Variants in TTF2 observed in about 807,000 individuals in gnomAD.
TTF2 encodes the protein transcription termination factor 2, also known as RNA polymerase II termination factor.
TTF2 carries 108 observed loss-of-function variants against 142.4 expected under a neutral mutation model. The ratio of observed to expected loss-of-function variants is 0.76; its 90% CI spans 0.65 to 0.89. The LOEUF is 0.89. TTF2 is among the 40% of genes least tolerant of loss of function. The pLI is 0.00. For synonymous variants in TTF2, 483 were observed against 506.2 expected, an observed-to-expected ratio of 0.95 and a Z score of 0.61; for missense variants, 1,327 against 1,379.8, an observed-to-expected ratio of 0.96 and a Z score of 0.61.
chr1:117,091,429 A>T lies in TTF2; in HGVS notation c.2671+19A>T, dbSNP rs755710480. The stretch of plus-strand genomic sequence containing the variant: ...AGTAGAGGTAAGCTGTAGGACTCTC[A>T]TAAATACATATGACTGGTGAAAATG... On this transcript the variant is annotated intron_variant, in intron 16 of 22. Coordinates refer to ENST00000369466, the MANE Select transcript of TTF2 (RefSeq NM_003594.4). 8 of 1,593,586 alleles carry T rather than the reference A, an allele frequency of 5.0e-6. No homozygotes were observed. The Admixed American group carries it at 5.4e-5, about 11-fold the overall frequency.
At chr1:117,091,727 G>T in intron 16 of TTF2, 90 bp from the exon 17 acceptor site, 1 of 1,478,508 alleles carries the variant, frequency 6.8e-7, no homozygotes, top group South Asian at 1.3e-5. Context: ...GATCAAACAT[G>T]GTTAAAGTAG....
Position 117,075,442 on chromosome 1 carries a change from G to C in TTF2, c.858G>C (p.Thr286=), listed in dbSNP as rs143556889. The C allele has an allele frequency of 6.2e-7, 1 of 1,614,080 alleles. No individual in the cohort carries two copies. Among genetic ancestry groups the C allele is most frequent in the Non-Finnish European group, 8.5e-7 (1 of 1,180,000 alleles). The change falls in exon 5 of 23, where the codon ACG becomes ACC. Residue 286 remains threonine (T), a synonymous_variant. Transcript: ENST00000369466. This position sits in a 1 kb window ranked among gnomAD's most constrained non-coding sequence, Gnocchi z 4.5. ...GGGGACCCCTCAACAAGGAGTACAC[G>C]AACTGGGAGGCTAAAGAAACAAAGG... The part of the protein sequence containing the change: ...QKGGPLNKEY[T]NWEAKETKAK...
rs1016885393 is a variant in TTF2, at chr1:117,061,745, A to G, written c.132-642A>G. Among the ~76,000 whole-genome samples the G allele has an allele frequency of 3.3e-5, 5 of 152,242 alleles. No individual in the cohort carries two copies. In the South Asian group the frequency reaches 6.2e-4, roughly 19 times the overall value. The stretch of plus-strand genomic sequence containing the variant: ...ATCCCATCTACACAAATGCTTTGCT[A>G]TACAAACTAGCACAGTGGTATTTGA... On this transcript the variant is annotated intron_variant, in intron 2 of 22. Transcript: ENST00000369466.
chr1:117,060,622 T>C, intron 2 of TTF2, 65 bp downstream of exon 2: 2 of 1,490,264 alleles, frequency 1.3e-6, no homozygotes, highest in Non-Finnish European at 1.8e-6. Context: ...AGCTTCCCGC[T>C]CCCCGCTGTC....
chr1:117,096,333 A>T (rs1649146406), intron 20 of TTF2, 34 bp downstream of exon 20: 1 of 1,609,362 alleles, frequency 6.2e-7, no homozygotes, highest in African/African-American at 1.3e-5. Context: ...CGCATAATTA[A>T]CTGTTCTGAG....
chr1:117,076,959 A>AC lies in TTF2; in HGVS notation c.1573+137dup. On this transcript the variant is annotated intron_variant, in intron 7 of 22. Transcript: ENST00000369466. This position sits in a 1 kb window ranked among gnomAD's most constrained non-coding sequence, Gnocchi z 4.6. ...TGGTTCAAAAAAAGGTGAGTACAGT[A>AC]CAGTAAGATATTTTGAGAGAGAAAG... 1 of 581,940 alleles carries AC rather than the reference A, an allele frequency of 1.7e-6. No homozygotes were observed. The highest frequency in any genetic ancestry group is 2.7e-6 in the Non-Finnish European group (1 of 368,756). 36.0% of individuals were successfully genotyped at this position (581,940 alleles called of 1,614,324 possible). A position where few individuals can be genotyped will look rare whatever the true frequency, so the allele number is the denominator to read the frequency against.
Position 117,104,214 on chromosome 1 carries a change from T to TA in TTF2, c.*2691dup, listed in dbSNP as rs1167165882. 1 of 152,238 alleles carries TA rather than the reference T, an allele frequency of 6.6e-6. No homozygotes were observed. Among genetic ancestry groups the TA allele is most frequent in the Non-Finnish European group, 1.5e-5 (1 of 68,040 alleles). 9.4% of individuals were successfully genotyped at this position (152,238 alleles called of 1,614,324 possible). On this transcript the variant is annotated 3_prime_UTR_variant, in exon 23 of 23. Coordinates refer to ENST00000369466, the MANE Select transcript of TTF2 (RefSeq NM_003594.4). The stretch of plus-strand genomic sequence containing the variant: ...CCTGGCTCTGCCATTTGCTGATTGA[T>TA]ATTAGGCAAGTTGCAGATTCCTTGG...
In TTF2 at chr1:117,091,392, A is replaced by G. The variant is rs1258644151; in HGVS notation, c.2653A>G (p.Asn885Asp). Reference protein sequence around the residue: ...SRGNQSGRSPNNPFSRVALEF... With the variant: ...SRGNQSGRSPDNPFSRVALEF... The stretch of plus-strand genomic sequence containing the variant: ...AGGCAACCAATCTGGAAGAAGCCCT[A>G]ATAATCCATTCAGTAGAGGTAAGCT... Residue 885 changes from asparagine (N) to aspartate (D), a missense_variant, in exon 16 of 23, where the codon AAT becomes GAT. Asn to Asp is a conservative substitution (Grantham distance 23). Coordinates refer to ENST00000369466, the MANE Select transcript of TTF2 (RefSeq NM_003594.4). The G allele has an allele frequency of 1.2e-6, 2 of 1,613,606 alleles. No homozygotes were observed. The highest frequency in any genetic ancestry group is 4.5e-5 in the East Asian group (2 of 44,836).
At position 117,079,777 on chromosome 1, in the gene TTF2, A is replaced by G; in HGVS notation, c.1783+128A>G. On this transcript the variant is annotated intron_variant, in intron 9 of 22. Coordinates refer to ENST00000369466, the MANE Select transcript of TTF2 (RefSeq NM_003594.4). The surrounding 1 kb of genome is among the most constrained non-coding windows in gnomAD (Gnocchi z 4.2). ...GGTACTATTATTCCTCATTTTACAGATGATGAAAGTGAAGCATGGAAGTGT... is the reference window on the plus strand; with the variant it reads ...GGTACTATTATTCCTCATTTTACAGGTGATGAAAGTGAAGCATGGAAGTGT... 1 of 882,624 alleles carries G rather than the reference A, an allele frequency of 1.1e-6. No homozygotes were observed. The highest frequency in any genetic ancestry group is 1.8e-6 in the Non-Finnish European group (1 of 557,430). 54.7% of individuals were successfully genotyped at this position (882,624 alleles called of 1,614,324 possible). A position where few individuals can be genotyped will look rare whatever the true frequency, so the allele number is the denominator to read the frequency against.
chr1:117,095,633 C>T (rs1649058397), intron 19 of TTF2, among the ~76,000 whole-genome samples: 1 of 151,788 alleles, frequency 6.6e-6, no homozygotes, highest in South Asian at 2.1e-4. Context: ...GAGGAGGCTC[C>T]AGCAGTGCTG....
At chr1:117,089,978 A>G in intron 13 of TTF2, 77 bp from the exon 14 acceptor site, 1 of 1,481,996 alleles carries the variant, frequency 6.7e-7, no homozygotes, top group Non-Finnish European at 9.1e-7. Context: ...GTCATCTTAT[A>G]TCTTACTTTG....
rs1402583448 is a variant in TTF2 at position 117,085,536 on chromosome 1, A to G, written c.2055-881A>G. Among the ~76,000 whole-genome samples the G allele has an allele frequency of 6.6e-6, 1 of 152,170 alleles. No individual in the cohort carries two copies. The highest frequency in any genetic ancestry group is 1.5e-5 in the Non-Finnish European group (1 of 68,026). On this transcript the variant is annotated intron_variant, in intron 11 of 22. Transcript: ENST00000369466. This position sits in a 1 kb window ranked among gnomAD's most constrained non-coding sequence, Gnocchi z 4.7. ...CCCCTACACTCCAGTCTGGATGACC[A>G]GGGTAGGTTACTCACCTATTATTAT... is the stretch of plus-strand genomic sequence containing the variant.
chr1:117,066,827 C>T (rs942418424), intron 3 of TTF2, among the ~76,000 whole-genome samples: 1 of 151,674 alleles, frequency 6.6e-6, no homozygotes, highest in African/African-American at 2.4e-5. Context: ...CTCAGCCTCC[C>T]GAGTAGCTGG....
intron 8 of TTF2, among the ~76,000 whole-genome samples, chr1:117,078,245 T>G (rs1272157135): frequency 6.6e-6 from 1 of 152,234 alleles, no homozygotes; most frequent in East Asian, 1.9e-4. Flanking sequence ...ATAAAGTTAC[T>G]TATTTCTGTA....
Position 117,079,749 on chromosome 1 carries a change from G to T in TTF2, c.1783+100G>T. On this transcript the variant is annotated intron_variant, in intron 9 of 22. Coordinates refer to ENST00000369466, the MANE Select transcript of TTF2 (RefSeq NM_003594.4). The surrounding 1 kb of genome is among the most constrained non-coding windows in gnomAD (Gnocchi z 4.2). ...TTATTCCTCTCAAGAACTCTATGAG[G>T]CAGGTACTATTATTCCTCATTTTAC... 8.7e-7 allele frequency: 1 copy of T among 1,146,762 alleles called. No homozygotes were observed. Among genetic ancestry groups the T allele is most frequent in the Non-Finnish European group, 1.3e-6 (1 of 769,652 alleles). The allele number at this position is 1,146,762 out of a possible 1,614,324, so 71.0% of individuals were successfully genotyped here.
rs773847854 is a variant in TTF2, at chr1:117,101,492, T to G, written c.3457T>G (p.Leu1153Val). 1.9e-6 allele frequency: 3 copies of G among 1,601,258 alleles called. No individual in the cohort carries two copies. Among genetic ancestry groups the G allele is most frequent in the African/African-American group, 2.7e-5 (2 of 74,120 alleles). The stretch of plus-strand genomic sequence containing the variant: ...TGGAGAATCTGTCACCAAGCTCACC[T>G]TGGCTGACCTCAGAGTCCTTTTTGG... The part of the protein sequence containing the change: ...GSGESVTKLT[L>V]ADLRVLFGI Residue 1153 changes from leucine to valine, a missense_variant, in exon 23 of 23, where the codon TTG (leucine) becomes GTG (valine). Leu to Val is a conservative substitution (Grantham distance 32). Coordinates refer to ENST00000369466, the MANE Select transcript of TTF2 (RefSeq NM_003594.4). This position sits in a 1 kb window ranked among gnomAD's most constrained non-coding sequence, Gnocchi z 5.9.
rs577744281 is a variant in TTF2 at position 117,065,459 on chromosome 1, A to G, written c.218+2986A>G. Among the ~76,000 whole-genome samples the G allele has an allele frequency of 9.9e-5, 15 of 152,278 alleles. No homozygotes were observed. In the South Asian group the frequency reaches 1.2e-3, roughly 13 times the overall value. On this transcript the variant is annotated intron_variant, in intron 3 of 22. Transcript: ENST00000369466. The stretch of plus-strand genomic sequence containing the variant: ...TAAAAATACTAAAAATTAGCCGGGC[A>G]TGGTGGAAGGCGCCTGTAGTCCCAG...
Position 117,076,106 on chromosome 1 carries a change from A to G in TTF2, c.1276-74A>G. 6.9e-7 allele frequency: 1 copy of G among 1,443,290 alleles called. No individual in the cohort carries two copies. The highest frequency in any genetic ancestry group is 1.2e-5 in the South Asian group (1 of 80,040). 89.4% of individuals were successfully genotyped at this position (1,443,290 alleles called of 1,614,324 possible). A position where few individuals can be genotyped will look rare whatever the true frequency, so the allele number is the denominator to read the frequency against. ...CATAATTTCAGAGTTTGGGTGTTTC[A>G]GGCTATTTTAATCTGAAACTATTCA... On this transcript the variant is annotated intron_variant, in intron 5 of 22. Coordinates refer to ENST00000369466, the MANE Select transcript of TTF2 (RefSeq NM_003594.4). This position sits in a 1 kb window ranked among gnomAD's most constrained non-coding sequence, Gnocchi z 4.6.
At chr1:117,083,241 CAAAAAAAAAAAA>C (rs937586299) in intron 10 of TTF2, among the ~76,000 whole-genome samples, 1 of 53,304 alleles carries the variant, frequency 1.9e-5, no homozygotes, top group Non-Finnish European at 4.0e-5. Context: ...GACTCCGTCT[CAAAAAAAAAAAA>C]AAAAAAAAAA....
Sources: gnomAD v4.1 joint callset for allele counts (sites outside exome capture counted in the v4.1 genomes callset) on GRCh38, gnomAD v4.1.1 for gene constraint, Gnocchi (gnomAD v3.1) non-coding constraint, MANE v1.5 for transcripts, NCBI Gene and HGNC (gene_info 2026-07-23, HGNC 2026-07-21) for gene names.